The following ASTN2 variants were observed in gnomAD, a reference collection of about 807,000 sequenced individuals.
The protein encoded by ASTN2 is astrotactin-2.
In ASTN2, 54 loss-of-function variants were observed where a neutral mutation model predicts 139.8. The observed-to-expected ratio is 0.39, with a 90% CI of 0.31 to 0.48. The LOEUF (loss-of-function observed/expected upper bound fraction) is 0.48. ASTN2 is among the 20% of genes least tolerant of loss of function. ASTN2 has a pLI of 0.95. For synonymous variants in ASTN2, 756 were observed against 719.5 expected (o/e 1.05, Z -0.81); for missense variants, 1,565 against 1,725.1 (o/e 0.91, Z 1.64).
intron 19 of ASTN2, among the ~76,000 whole-genome samples, chr9:116,534,855 G>T (rs1348047514): frequency 6.6e-6 from 1 of 152,202 alleles, no homozygotes; most frequent in Non-Finnish European, 1.5e-5. Flanking sequence ...GGGGTGGAGA[G>T]TTTTGTAGAT....
chr9:116,489,328 T>C (rs1018700022), intron 19 of ASTN2, among the ~76,000 whole-genome samples: 2 of 152,056 alleles, frequency 1.3e-5, no homozygotes, highest in African/African-American at 2.4e-5. Flanking sequence ...TATTTATTTA[T>C]TTTTTAATTT....
chr9:117,025,798 CTTT>C (rs111710831), intron 6 of ASTN2, among the ~76,000 whole-genome samples: 2 of 144,438 alleles, frequency 1.4e-5, no homozygotes, highest in Admixed American at 6.9e-5. Flanking sequence ...CTTTTCTTTT[CTTT>C]TTTTTTTTTT....
intron 13 of ASTN2, among the ~76,000 whole-genome samples, chr9:116,780,133 A>G (rs1199296303): frequency 1.3e-5 from 2 of 152,176 alleles, no homozygotes; most frequent in Admixed American, 1.3e-4. Context: ...AGAAGATATA[A>G]TCTCTGCTCT....
chr9:116,636,526 T>C (rs1564172446), intron 17 of ASTN2, among the ~76,000 whole-genome samples: 1 of 151,928 alleles, frequency 6.6e-6, no homozygotes, highest in Non-Finnish European at 1.5e-5. Flanking sequence ...AATACAAATA[T>C]TAGCCAGATG....
At chr9:117,127,116 C>A (rs1829708421) in intron 4 of ASTN2, among the ~76,000 whole-genome samples, 1 of 152,120 alleles carries the variant, frequency 6.6e-6, no homozygotes, top group East Asian at 1.9e-4. Flanking sequence ...AAGAATGAGG[C>A]CAAAGAGTCT....
chr9:117,223,910 C>G (rs1588103644), intron 2 of ASTN2, among the ~76,000 whole-genome samples: 1 of 152,116 alleles, frequency 6.6e-6, no homozygotes, highest in East Asian at 1.9e-4. Context: ...TACCATGTAT[C>G]TATTAGAGAT....
chr9:116,532,332 T>G (rs1196014297), intron 19 of ASTN2, among the ~76,000 whole-genome samples: 1 of 152,180 alleles, frequency 6.6e-6, no homozygotes, highest in African/African-American at 2.4e-5. Flanking sequence ...TCTGATGGTA[T>G]TTCCTTTTGC....
intron 1 of ASTN2, among the ~76,000 whole-genome samples, chr9:117,309,992 C>T (rs1827923984): frequency 6.6e-6 from 1 of 152,170 alleles, no homozygotes; most frequent in African/African-American, 2.4e-5. Flanking sequence ...CTGTCTTTGA[C>T]ACTTTTCCTT....
chr9:116,533,151 GCTCT>G (rs1194824917), intron 19 of ASTN2, among the ~76,000 whole-genome samples: 1 of 152,008 alleles, frequency 6.6e-6, no homozygotes, highest in Non-Finnish European at 1.5e-5. Flanking sequence ...TTATGATTTG[GCTCT>G]CTGTTTGTCT....
chr9:117,312,135 T>A (rs1333830752), intron 1 of ASTN2, among the ~76,000 whole-genome samples: 1 of 152,148 alleles, frequency 6.6e-6, no homozygotes, highest in Non-Finnish European at 1.5e-5. Context: ...ATTACTAAGG[T>A]AGAAAGAAAT....
At chr9:116,925,895 T>TAC (rs1834743150) in intron 10 of ASTN2, among the ~76,000 whole-genome samples, 1 of 149,196 alleles carries the variant, frequency 6.7e-6, no homozygotes, top group African/African-American at 2.5e-5. Flanking sequence ...CACACATATA[T>TAC]ACACATGCAC....
chr9:117,313,455 A>C (rs1828040008), intron 1 of ASTN2, among the ~76,000 whole-genome samples: 1 of 152,208 alleles, frequency 6.6e-6, no homozygotes, highest in South Asian at 2.1e-4. Flanking sequence ...TCCCAGAGAC[A>C]GGAACATGAC....
At chr9:117,147,260 T>C (rs1406094309) in intron 3 of ASTN2, among the ~76,000 whole-genome samples, 1 of 152,140 alleles carries the variant, frequency 6.6e-6, no homozygotes, top group Non-Finnish European at 1.5e-5. Context: ...GCCAACATGA[T>C]GAAACCCCAT....
chr9:117,303,088 C>A (rs939169355), intron 1 of ASTN2, among the ~76,000 whole-genome samples: 1 of 152,142 alleles, frequency 6.6e-6, no homozygotes, highest in Non-Finnish European at 1.5e-5. Flanking sequence ...TCTCCTGAGC[C>A]CTCAACTCCC....
intron 13 of ASTN2, among the ~76,000 whole-genome samples, chr9:116,749,617 T>G (rs542178163): frequency 9.9e-5 from 15 of 152,250 alleles, no homozygotes; most frequent in Admixed American, 5.9e-4. Flanking sequence ...TCCCTACTTT[T>G]GGGGGGCAGG....
intron 5 of ASTN2, among the ~76,000 whole-genome samples, chr9:117,086,837 C>A (rs753986869): frequency 4.6e-5 from 7 of 152,144 alleles, no homozygotes; most frequent in Non-Finnish European, 7.3e-5. Context: ...CTAGTCATGT[C>A]TTCAGTGGGA....
At chr9:117,408,632 T>C (rs1831075565) in intron 1 of ASTN2, among the ~76,000 whole-genome samples, 1 of 152,112 alleles carries the variant, frequency 6.6e-6, no homozygotes, top group African/African-American at 2.4e-5. Context: ...ACAGAGTAAT[T>C]TTGCAGACTG....
At chr9:117,068,887 A>T in intron 5 of ASTN2, among the ~76,000 whole-genome samples, 1 of 110,042 alleles carries the variant, frequency 9.1e-6, no homozygotes, top group African/African-American at 3.7e-5. Context: ...TGTCTATTTG[A>T]TTCTTCTCTC....
At chr9:117,328,116 T>C (rs1828579556) in intron 1 of ASTN2, among the ~76,000 whole-genome samples, 1 of 152,168 alleles carries the variant, frequency 6.6e-6, no homozygotes. Context: ...CTCGAGTCCT[T>C]GCAATTGTTC....
Sources: gnomAD v4.1 joint callset for allele counts (sites outside exome capture counted in the v4.1 genomes callset) on GRCh38, gnomAD v4.1.1 for gene constraint, MANE v1.5 for transcripts, NCBI Gene and HGNC (gene_info 2026-07-23, HGNC 2026-07-21) for gene names.